Variants in PTPN9 observed in about 807,000 individuals in gnomAD.
The protein encoded by PTPN9 is protein tyrosine phosphatase non-receptor type 9.
PTPN9 carries 26 observed loss-of-function variants against 69.8 expected under a neutral mutation model. That is an observed-to-expected ratio of 0.37 (90% CI 0.27 to 0.52). PTPN9 has a LOEUF of 0.52. PTPN9 is among the 20% of genes least tolerant of loss of function. The pLI is 0.91. For missense variants in PTPN9, 549 were observed against 740.3 expected (o/e 0.74, Z 3.00); for synonymous variants, 274 against 272.5 (o/e 1.01, Z -0.05).
At chr15:75,533,947 GAGAGTGA>G (rs1445507224) in intron 1 of PTPN9, among the ~76,000 whole-genome samples, 3 of 152,174 alleles carry the variant, frequency 2.0e-5, no homozygotes, top group Non-Finnish European at 2.9e-5. Context: ...GACAACCTAG[GAGAGTGA>G]AGAGCCAGAC....
intron 1 of PTPN9, among the ~76,000 whole-genome samples, chr15:75,557,472 C>T (rs2075082955): frequency 6.6e-6 from 1 of 151,880 alleles, no homozygotes; most frequent in African/African-American, 2.4e-5. Context: ...GCTGCTATGA[C>T]ATGGGTGCAC....
rs570105238 is a variant in PTPN9, at chr15:75,479,663, G to C, written c.1129+185C>G. The stretch of plus-strand genomic sequence containing the variant: ...ATGCGGTGAGTTTCCAGGCACACCT[G>C]GTACAGAAACCCCAAACTACTTATT... On this transcript the variant is annotated intron_variant, in intron 9 of 12. Coordinates refer to ENST00000618819, the MANE Select transcript of PTPN9 (RefSeq NM_002833.4). 3.3e-5 allele frequency among the ~76,000 whole-genome samples: 5 copies of C among 152,146 alleles called. No homozygotes were observed. In the East Asian group the frequency reaches 5.8e-4, roughly 18 times the overall value.
intron 1 of PTPN9, among the ~76,000 whole-genome samples, chr15:75,566,663 A>T (rs1472000831): frequency 6.6e-6 from 1 of 151,102 alleles, no homozygotes; most frequent in East Asian, 2.0e-4. Context: ...TGGGCGACAG[A>T]GTCTCACTCT....
In PTPN9 at chr15:75,524,777, CAAAAAAAA is replaced by C. The variant is rs10699634; in HGVS notation, c.208-487_208-480del. ...TGGGTGACAAAATGAGACTCTGTCT[CAAAAAAAA>C]AAAAAAAAAAAAAAAAGAATTCAGC... On this transcript the variant is annotated intron_variant, in intron 2 of 12. Coordinates refer to ENST00000618819, the MANE Select transcript of PTPN9 (RefSeq NM_002833.4). Among the ~76,000 whole-genome samples, 68 of 72,938 alleles carry C rather than the reference CAAAAAAAA, an allele frequency of 9.3e-4. No individual in the cohort carries two copies. In the East Asian group the frequency reaches 0.038, roughly 41 times the overall value. The allele number at this position is 72,938 out of a possible 152,430, so 47.9% of individuals were successfully genotyped here.
chr15:75,532,799 A>G (rs1164573675), intron 1 of PTPN9, among the ~76,000 whole-genome samples: 2 of 152,188 alleles, frequency 1.3e-5, no homozygotes, highest in African/African-American at 4.8e-5. Context: ...TGAACCTCTA[A>G]AAGGAGTCAG....
At chr15:75,528,775 A>G (rs551226003) in intron 1 of PTPN9, among the ~76,000 whole-genome samples, 5 of 146,472 alleles carry the variant, frequency 3.4e-5, no homozygotes, top group African/African-American at 1.3e-4. Context: ...ATTACTGCTC[A>G]TTGCAGCCTC....
Position 75,523,201 on chromosome 15 carries a change from G to A in PTPN9, c.342C>T (p.Ala114=), listed in dbSNP as rs753614384. 6.2e-6 allele frequency: 10 copies of A among 1,613,978 alleles called. No homozygotes were observed. In the South Asian group the frequency reaches 9.9e-5, roughly 16 times the overall value. ...PTGASIALFT[A]RLHHPHKSVQ... ...CTGACTTGTGGGGATGATGCAACCTGGCAGTAAAGAGGGCAATGGAGGCTC... is the reference window on the plus strand; with the variant it reads ...CTGACTTGTGGGGATGATGCAACCTAGCAGTAAAGAGGGCAATGGAGGCTC... Residue 114 remains alanine (A), a synonymous_variant, in exon 4 of 13, where the codon GCC becomes GCT. Coordinates refer to ENST00000618819, the MANE Select transcript of PTPN9 (RefSeq NM_002833.4).
At position 75,517,329 on chromosome 15, in the gene PTPN9, T is replaced by C; in HGVS notation, c.458A>G (p.Tyr153Cys). The C allele has an allele frequency of 6.2e-7, 1 of 1,613,980 alleles. No homozygotes were observed. The highest frequency in any genetic ancestry group is 8.5e-7 in the Non-Finnish European group (1 of 1,179,916). Reference protein sequence around the residue: ...ETQRNGLVFIYDMCGSNYANF... With the variant: ...ETQRNGLVFICDMCGSNYANF... ...GGCATAATTAGAACCACACATGTCA[T>C]AGATAAACACCAGTCCATTCCTCTG... The change falls in exon 5 of 13, where the codon TAT becomes TGT. Residue 153 changes from tyrosine (Y) to cysteine (C), a missense_variant. By Grantham distance (194) the Tyr-to-Cys change is radical. Transcript: ENST00000618819.
chr15:75,527,661 T>G (rs1260601354), intron 1 of PTPN9, among the ~76,000 whole-genome samples: 2 of 152,096 alleles, frequency 1.3e-5, no homozygotes, highest in East Asian at 3.9e-4. Flanking sequence ...AAGACTAGCC[T>G]GACCAACATG....
intron 4 of PTPN9, among the ~76,000 whole-genome samples, chr15:75,521,022 T>C (rs1164598154): frequency 6.6e-6 from 1 of 151,978 alleles, no homozygotes; most frequent in Non-Finnish European, 1.5e-5. Context: ...GCCTAATTTT[T>C]AAACTTTTTG....
intron 5 of PTPN9, among the ~76,000 whole-genome samples, chr15:75,516,737 T>G (rs1567497826): frequency 7.0e-6 from 1 of 142,396 alleles, no homozygotes; most frequent in Non-Finnish European, 1.5e-5. Context: ...AGAATGTTCC[T>G]GTGCTTTTTT....
At chr15:75,472,221 A>G (rs1449571280) in intron 10 of PTPN9, among the ~76,000 whole-genome samples, 1 of 151,762 alleles carries the variant, frequency 6.6e-6, no homozygotes, top group Non-Finnish European at 1.5e-5. Context: ...GCACTTTGGG[A>G]GGCCGAGGCA....
At chr15:75,490,596 C>A (rs971600892) in intron 7 of PTPN9, among the ~76,000 whole-genome samples, 1 of 151,858 alleles carries the variant, frequency 6.6e-6, no homozygotes, top group African/African-American at 2.4e-5. Context: ...GCCAGGAGTT[C>A]GTGAGCAGTC....
At chr15:75,560,688 A>G (rs2075100629) in intron 1 of PTPN9, among the ~76,000 whole-genome samples, 1 of 152,178 alleles carries the variant, frequency 6.6e-6, no homozygotes, top group South Asian at 2.1e-4. Flanking sequence ...CCTGGGCAAC[A>G]CAGTGAGACA....
At chr15:75,508,039 C>CAAAAAAA (rs990909256) in intron 6 of PTPN9, among the ~76,000 whole-genome samples, 94 of 37,332 alleles carry the variant, frequency 2.5e-3, no homozygotes, top group African/African-American at 5.4e-3. Flanking sequence ...GAGACACTCT[C>CAAAAAAA]AAAAAAAAAA....
intron 8 of PTPN9, among the ~76,000 whole-genome samples, chr15:75,483,878 G>C (rs1166816575): frequency 2.6e-5 from 4 of 152,164 alleles, no homozygotes; most frequent in African/African-American, 4.8e-5. Context: ...AGTGTTTCTT[G>C]TAGTTAGGCA....
chr15:75,515,298 G>A (rs2074863684), intron 5 of PTPN9, among the ~76,000 whole-genome samples: 1 of 151,852 alleles, frequency 6.6e-6, no homozygotes, highest in South Asian at 2.1e-4. Context: ...CGTGGTGGTG[G>A]GCGCCGTAGT....
In PTPN9 at chr15:75,524,238, C is replaced by T; in HGVS notation, c.268G>A (p.Glu90Lys). Residue 90 changes from glutamate (E) to lysine (K), a missense_variant, in exon 3 of 13, where the codon GAG (glutamate) becomes AAG (lysine). Around this residue, in one of 3 missense-constraint regions of PTPN9, gnomAD observed 457 missense variants for 661.9 expected, o/e 0.69. Coordinates refer to ENST00000618819, the MANE Select transcript of PTPN9 (RefSeq NM_002833.4). ...ATGGTGAATTTTCCACTGAGGATCT[C>T]AGAACGAAGAGGTTCCTCATGAGGT... Reference protein sequence around the residue: ...LKPHEEPLRSEILSGKFTILN... With the variant: ...LKPHEEPLRSKILSGKFTILN... 6.2e-7 allele frequency: 1 copy of T among 1,611,516 alleles called. No individual in the cohort carries two copies.
Position 75,522,982 on chromosome 15 carries a change from A to G in PTPN9, c.422+139T>C, listed in dbSNP as rs1207065904. 4 of 1,007,558 alleles carry G rather than the reference A, an allele frequency of 4.0e-6. No homozygotes were observed. The Admixed American group carries it at 7.3e-5, about 18-fold the overall frequency. The allele number at this position is 1,007,558 out of a possible 1,614,324, so 62.4% of individuals were successfully genotyped here. ...GCAAACATGCCGAGTTCTAAAGGAC[A>G]TGGATTGTTTTCTATTCATAGCATT... On this transcript the variant is annotated intron_variant, in intron 4 of 12. Transcript: ENST00000618819.
Sources: gnomAD v4.1 joint callset for allele counts (sites outside exome capture counted in the v4.1 genomes callset) on GRCh38, gnomAD v4.1.1 for gene constraint, gnomAD v4.1.1 regional missense constraint, MANE v1.5 for transcripts, NCBI Gene and HGNC (gene_info 2026-07-23, HGNC 2026-07-21) for gene names.